TRIM68: variants seen among roughly 807,000 people sequenced by gnomAD.
TRIM68 encodes the protein E3 ubiquitin-protein ligase TRIM68.
In TRIM68, 36 loss-of-function variants were observed where a neutral mutation model predicts 41.9. The ratio of observed to expected loss-of-function variants is 0.86; its 90% CI spans 0.66 to 1.14. The LOEUF (loss-of-function observed/expected upper bound fraction) is 1.14. Among genes scored for constraint, TRIM68 ranks in the 50% most tolerant of loss-of-function variants. TRIM68 has a pLI of 0.00. For missense variants in TRIM68, 632 were observed against 605.1 expected, an observed-to-expected ratio of 1.04 and a Z score of -0.47; for synonymous variants, 225 against 224.6, an observed-to-expected ratio of 1.00 and a Z score of -0.02.
chr11:4,602,850 C>T (rs1846513939), intron 3 of TRIM68, among the ~76,000 whole-genome samples: 1 of 152,174 alleles, frequency 6.6e-6, no homozygotes, highest in African/African-American at 2.4e-5. Context: ...ACTTACTGGC[C>T]TCAAATTTAT....
rs146898853 is a variant in TRIM68 at position 4,600,566 on chromosome 11, G to A, written c.1168C>T (p.His390Tyr). 3 of 1,614,054 alleles carry A rather than the reference G, an allele frequency of 1.9e-6. No individual in the cohort carries two copies. The highest frequency in any genetic ancestry group is 1.7e-6 in the Non-Finnish European group (2 of 1,179,994). ...DRKEVVYLSPHYGFWVIRLRK... is the reference protein window; with the variant it reads ...DRKEVVYLSPYYGFWVIRLRK... ...AGCCTTATCACCCAGAATCCATAGT[G>A]GGGGGATAAGTAGACCACCTCCTTC... The change falls in exon 7 of 7, where the codon CAC becomes TAC. Residue 390 changes from histidine (H) to tyrosine (Y), a missense_variant. Physicochemically the swap from His to Tyr is moderately conservative, Grantham distance 83. Transcript: ENST00000300747.
chr11:4,602,423 A>G lies in TRIM68; in HGVS notation c.523-11T>C. 6.2e-7 allele frequency: 1 copy of G among 1,612,206 alleles called. No individual in the cohort carries two copies. The highest frequency in any genetic ancestry group is 8.5e-7 in the Non-Finnish European group (1 of 1,179,174). On this transcript the variant is annotated splice_polypyrimidine_tract_variant and intron_variant, in intron 3 of 6. Coordinates refer to ENST00000300747, the MANE Select transcript of TRIM68 (RefSeq NM_018073.8). Reference sequence around the variant, plus strand: ...GGTTTCCACCTGTATCTGTGGAGCCAAGATGGAAATCAGCACTGATACTTT... The same window carrying G: ...GGTTTCCACCTGTATCTGTGGAGCCGAGATGGAAATCAGCACTGATACTTT...
chr11:4,603,230 C>T lies in TRIM68; in HGVS notation c.522+15G>A. ...GACGACTGACACAAACTCCTTTCCC[C>T]ACGAGGCAACCTGCCTTCCAGGTGG... is the stretch of plus-strand genomic sequence containing the variant. On this transcript the variant is annotated intron_variant, in intron 3 of 6. Coordinates refer to ENST00000300747, the MANE Select transcript of TRIM68 (RefSeq NM_018073.8). The T allele has an allele frequency of 6.2e-7, 1 of 1,613,766 alleles. No homozygotes were observed. Among genetic ancestry groups the T allele is most frequent in the Non-Finnish European group, 8.5e-7 (1 of 1,179,610 alleles).
At chr11:4,600,870 GGGA>G (rs770131463) in intron 6 of TRIM68, 44 bp from the exon 7 acceptor site, 1 of 1,590,132 alleles carries the variant, frequency 6.3e-7, no homozygotes, top group Non-Finnish European at 8.6e-7. Context: ...ATAGGGCCAG[GGGA>G]CATGGGTGAG....
intron 1 of TRIM68, 30 bp from the exon 2 acceptor site, chr11:4,605,591 A>C: frequency 7.7e-7 from 1 of 1,305,338 alleles, no homozygotes; most frequent in Non-Finnish European, 1.0e-6. Flanking sequence ...GACAAATAAG[A>C]GAAAAAGGTA....
chr11:4,605,058 T>A lies in TRIM68; in HGVS notation c.426+21A>T, dbSNP rs764604487. The A allele has an allele frequency of 2.1e-5, 34 of 1,608,518 alleles. No homozygotes were observed. The East Asian group carries it at 7.4e-4, about 35-fold the overall frequency. On this transcript the variant is annotated intron_variant, in intron 2 of 6. Transcript: ENST00000300747. ...ACTTGGGGCCGGGGTTAGACTGGAG[T>A]GGCCAGCTTCCATCTCTCACCTTGT...
rs2133196300 is a variant in TRIM68, at chr11:4,600,123, A to G, written c.*153T>C. ...AATAAGTGGTTTCATGACAGACTTCAGCCTGGTAGCAAAGACCAAAGGATC... is the reference window on the plus strand; with the variant it reads ...AATAAGTGGTTTCATGACAGACTTCGGCCTGGTAGCAAAGACCAAAGGATC... On this transcript the variant is annotated 3_prime_UTR_variant, in exon 7 of 7. Coordinates refer to ENST00000300747, the MANE Select transcript of TRIM68 (RefSeq NM_018073.8). 2 of 746,808 alleles carry G rather than the reference A, an allele frequency of 2.7e-6. No homozygotes were observed. The highest frequency in any genetic ancestry group is 2.6e-5 in the South Asian group (1 of 39,052). 46.3% of individuals were successfully genotyped at this position (746,808 alleles called of 1,614,324 possible).
rs910609043 is a variant in TRIM68, at chr11:4,598,887, A to G, written c.*1389T>C. On this transcript the variant is annotated 3_prime_UTR_variant, in exon 7 of 7. Coordinates refer to ENST00000300747, the MANE Select transcript of TRIM68 (RefSeq NM_018073.8). ...CAGACTGTATCATGGCACAGTGGGA[A>G]AGTCACCATGTGCAAAATCCACGGC... The G allele has an allele frequency of 6.6e-6, 1 of 152,224 alleles. No homozygotes were observed. Among genetic ancestry groups the G allele is most frequent in the Non-Finnish European group, 1.5e-5 (1 of 68,056 alleles). The allele number at this position is 152,224 out of a possible 1,614,324, so 9.4% of individuals were successfully genotyped here.
chr11:4,604,057 T>C (rs1846534750), intron 2 of TRIM68, among the ~76,000 whole-genome samples: 1 of 152,230 alleles, frequency 6.6e-6, no homozygotes, highest in Non-Finnish European at 1.5e-5. Context: ...GAGGGTGACC[T>C]ACCCAAAGTC....
At chr11:4,605,008 C>T (rs1846546456) in intron 2 of TRIM68, 71 bp downstream of exon 2, 1 of 1,547,730 alleles carries the variant, frequency 6.5e-7, no homozygotes, top group Non-Finnish European at 8.8e-7. Flanking sequence ...TGCTGGTGGT[C>T]AAGCCCTTGA....
intron 2 of TRIM68, among the ~76,000 whole-genome samples, chr11:4,604,868 A>G (rs375828730): frequency 3.3e-5 from 5 of 152,344 alleles, no homozygotes; most frequent in African/African-American, 1.2e-4. Context: ...GTTAGGATGT[A>G]GGTGTAGAGG....
In TRIM68 at chr11:4,600,647, C is replaced by T. The variant is rs1846472054; in HGVS notation, c.1087G>A (p.Glu363Lys). 1 of 1,614,176 alleles carries T rather than the reference C, an allele frequency of 6.2e-7. No homozygotes were observed. Among genetic ancestry groups the T allele is most frequent in the Non-Finnish European group, 8.5e-7 (1 of 1,180,028 alleles). ...CCCCACTCAGACCTGTCTCCCACCT[C>T]CACCTCCCAGTAGTGCCGGCCTGAG... is the stretch of plus-strand genomic sequence containing the variant. ...ISSGRHYWEV[E>K]VGDRSEWGLG... is the part of the protein sequence containing the mutation. The change falls in exon 7 of 7, where the codon GAG becomes AAG. Residue 363 changes from glutamate to lysine, a missense_variant. Coordinates refer to ENST00000300747, the MANE Select transcript of TRIM68 (RefSeq NM_018073.8).
rs1303857521 is a variant in TRIM68 at position 4,603,343 on chromosome 11, G to A, written c.427-3C>T. ...TCGAGGGCCTCATGAAGTTCCCACT[G>A]CAAGAGACAAAACCCTCATGAGGCC... On this transcript the variant is annotated splice_region_variant and splice_polypyrimidine_tract_variant and intron_variant, in intron 2 of 6. Transcript: ENST00000300747. 1 of 1,613,876 alleles carries A rather than the reference G, an allele frequency of 6.2e-7. No homozygotes were observed. Among genetic ancestry groups the A allele is most frequent in the African/African-American group, 1.3e-5 (1 of 74,922 alleles).
chr11:4,603,790 A>C (rs2231963), intron 2 of TRIM68, among the ~76,000 whole-genome samples: 62,142 of 151,970 alleles, frequency 0.41, 13,006 homozygotes, highest in African/African-American at 0.49. Context: ...TCAATTTTAG[A>C]TGGATCTCCC....
rs1405852873 is a variant in TRIM68 at position 4,600,573 on chromosome 11, T to A, written c.1161A>T (p.Leu387Phe). ...TCACCCAGAATCCATAGTGGGGGGA[T>A]AAGTAGACCACCTCCTTCCGGTCTA... ...QNVDRKEVVYLSPHYGFWVIR... is the reference protein window; with the variant it reads ...QNVDRKEVVYFSPHYGFWVIR... The change falls in exon 7 of 7, where the codon TTA (leucine) becomes TTT (phenylalanine). Residue 387 changes from leucine (L) to phenylalanine (F), a missense_variant. Transcript: ENST00000300747. 6.2e-7 allele frequency: 1 copy of A among 1,614,084 alleles called. No homozygotes were observed. Among genetic ancestry groups the A allele is most frequent in the South Asian group, 1.1e-5 (1 of 91,072 alleles).
At position 4,600,388 on chromosome 11, in the gene TRIM68, A is replaced by C. The variant is rs1846464746; in HGVS notation, c.1346T>G (p.Phe449Cys). Reference sequence around the variant, plus strand: ...GCGCCCAGGGAAGGGATAGCGGGGGAAAGTGAAGATGTGGGAGCCACAGTC... The same window carrying C: ...GCGCCCAGGGAAGGGATAGCGGGGGCAAGTGAAGATGTGGGAGCCACAGTC... ...VTDCGSHIFT[F>C]PRYPFPGRLL... The change falls in exon 7 of 7, where the codon TTC becomes TGC. Residue 449 changes from phenylalanine (F) to cysteine (C), a missense_variant. By Grantham distance (205) the Phe-to-Cys change is radical. Transcript: ENST00000300747. 2 of 1,614,116 alleles carry C rather than the reference A, an allele frequency of 1.2e-6. No homozygotes were observed. The highest frequency in any genetic ancestry group is 1.7e-6 in the Non-Finnish European group (2 of 1,180,014).
intron 4 of TRIM68, 160 bp from the exon 5 acceptor site, chr11:4,601,846 A>T: frequency 1.1e-6 from 1 of 907,650 alleles, no homozygotes; most frequent in Non-Finnish European, 1.7e-6. Context: ...AGGATGGAAG[A>T]GCAGGCTGAG....
intron 2 of TRIM68, among the ~76,000 whole-genome samples, chr11:4,604,545 A>C (rs182692739): frequency 3.3e-5 from 5 of 152,242 alleles, no homozygotes; most frequent in Non-Finnish European, 5.9e-5. Flanking sequence ...TGAGAAGACT[A>C]TATCAGATGA....
intron 5 of TRIM68, chr11:4,601,336 G>A (rs993397313): frequency 7.7e-5 from 46 of 600,440 alleles, no homozygotes; most frequent in Non-Finnish European, 7.1e-5. Context: ...AGGGTTGGAT[G>A]TATATTTGAT....
Sources: allele counts gnomAD v4.1 joint callset (sites outside exome capture counted in the v4.1 genomes callset), GRCh38; gene constraint gnomAD v4.1.1; transcripts MANE v1.5; gene names NCBI Gene and HGNC (gene_info 2026-07-23, HGNC 2026-07-21).